Variants in EVC2 observed in about 807,000 individuals in gnomAD.
EVC2 encodes EvC ciliary complex subunit 2.
Under a neutral mutation model 149.3 loss-of-function variants are expected in EVC2, and 148 were observed. The observed-to-expected ratio is 0.99, with a 90% confidence interval of 0.87 to 1.14. The LOEUF (loss-of-function observed/expected upper bound fraction) is 1.14. Among genes scored for constraint, EVC2 ranks in the 50% most tolerant of loss-of-function variants. EVC2 has a pLI of 0.00. For missense variants in EVC2, 1,854 were observed against 1,627.3 expected (o/e 1.14, Z -2.40); for synonymous variants, 776 against 649.9 (o/e 1.19, Z -2.95).
chr4:5,693,795 T>C (rs572707701), intron 3 of EVC2, among the ~76,000 whole-genome samples: 1 of 152,268 alleles, frequency 6.6e-6, no homozygotes, highest in East Asian at 1.9e-4. Flanking sequence ...AAAATCAGAA[T>C]AGAAAACAAC....
Position 5,626,049 on chromosome 4 carries a change from G to A in EVC2, c.1887-141C>T, listed in dbSNP as rs2108843582. The A allele has an allele frequency of 3.0e-6, 3 of 998,284 alleles. No individual in the cohort carries two copies. The East Asian group carries it at 7.5e-5, about 25-fold the overall frequency. 61.8% of individuals were successfully genotyped at this position (998,284 alleles called of 1,614,324 possible). On this transcript the variant is annotated intron_variant, in intron 12 of 21. Coordinates refer to ENST00000344408, the MANE Select transcript of EVC2 (RefSeq NM_147127.5). ...TACCCTCCAGAAGAATTACAAGAAT[G>A]GGCAGCTAAGATATTACTAAAGTAC...
At chr4:5,690,064 G>A (rs1721005644) in intron 4 of EVC2, among the ~76,000 whole-genome samples, 1 of 152,238 alleles carries the variant, frequency 6.6e-6, no homozygotes, top group South Asian at 2.1e-4. Context: ...TCAGAACTGT[G>A]TGTGTAATAT....
At chr4:5,616,682 C>CA (rs1715281149) in intron 15 of EVC2, among the ~76,000 whole-genome samples, 1 of 152,228 alleles carries the variant, frequency 6.6e-6, no homozygotes, top group African/African-American at 2.4e-5. Context: ...CAGGCTCTCC[C>CA]ACCACCTTCT....
intron 9 of EVC2, among the ~76,000 whole-genome samples, chr4:5,644,551 C>T: frequency 6.6e-6 from 1 of 152,138 alleles, no homozygotes; most frequent in Non-Finnish European, 1.5e-5. Flanking sequence ...GATCTGCCCG[C>T]CTCAGCCTCT....
At position 5,640,034 on chromosome 4, in the gene EVC2, G is replaced by A. The variant is rs745705119; in HGVS notation, c.1470+480C>T. Among the ~76,000 whole-genome samples, 1 of 152,074 alleles carries A rather than the reference G, an allele frequency of 6.6e-6. No individual in the cohort carries two copies. Among genetic ancestry groups the A allele is most frequent in the Non-Finnish European group, 1.5e-5 (1 of 68,014 alleles). On this transcript the variant is annotated intron_variant, in intron 10 of 21. Coordinates refer to ENST00000344408, the MANE Select transcript of EVC2 (RefSeq NM_147127.5). This position sits in a 1 kb window ranked among gnomAD's most constrained non-coding sequence, Gnocchi z 4.6. Reference sequence around the variant, plus strand: ...ATGGATGGGTGGATGAGTGATAATGGGCAGATGGGTGGACGGGTAGATGGA... The same window carrying A: ...ATGGATGGGTGGATGAGTGATAATGAGCAGATGGGTGGACGGGTAGATGGA...
chr4:5,698,717 C>A (rs1721640709), intron 1 of EVC2, among the ~76,000 whole-genome samples: 1 of 152,228 alleles, frequency 6.6e-6, no homozygotes, highest in Admixed American at 6.5e-5. Context: ...TACAGCACTA[C>A]CCCCAGTCTA....
At chr4:5,699,938 C>T (rs374028187) in intron 1 of EVC2, among the ~76,000 whole-genome samples, 8 of 152,184 alleles carry the variant, frequency 5.3e-5, no homozygotes, top group Non-Finnish European at 1.0e-4. Context: ...GTCAGGAGTT[C>T]GAGACCAGTC....
In EVC2 at chr4:5,568,577, G is replaced by A. The variant is rs2108770891; in HGVS notation, c.3424C>T (p.Leu1142Phe). The change falls in exon 20 of 22, where the codon CTC becomes TTC. Residue 1142 changes from leucine to phenylalanine, a missense_variant. Physicochemically the swap from Leu to Phe is conservative, Grantham distance 22. Coordinates refer to ENST00000344408, the MANE Select transcript of EVC2 (RefSeq NM_147127.5). ...AMVPGATLRRLLSVVLPTASQ... is the reference protein window; with the variant it reads ...AMVPGATLRRFLSVVLPTASQ... Reference sequence around the variant, plus strand: ...GCTGTGGGCAGTACCACACTCAGGAGCCGGCGAAGCGTGGCCCCGGGCACC... The same window carrying A: ...GCTGTGGGCAGTACCACACTCAGGAACCGGCGAAGCGTGGCCCCGGGCACC... The A allele has an allele frequency of 6.2e-7, 1 of 1,607,494 alleles. No individual in the cohort carries two copies. The highest frequency in any genetic ancestry group is 1.1e-5 in the South Asian group (1 of 89,850).
chr4:5,615,600 C>T, intron 15 of EVC2, 56 bp from the exon 16 acceptor site: 1 of 1,613,078 alleles, frequency 6.2e-7, no homozygotes, highest in South Asian at 1.1e-5. Flanking sequence ...CAAGTCCATG[C>T]AGCTCCCCCG....
At chr4:5,606,424 T>C (rs968193458) in intron 16 of EVC2, among the ~76,000 whole-genome samples, 3 of 152,280 alleles carry the variant, frequency 2.0e-5, no homozygotes, top group African/African-American at 7.2e-5. Flanking sequence ...GGGCATCACC[T>C]TGGTAGTGGG....
At chr4:5,691,132 C>A in intron 4 of EVC2, 133 bp downstream of exon 4, 2 of 749,640 alleles carry the variant, frequency 2.7e-6, no homozygotes, top group South Asian at 1.6e-5. Context: ...GCTATTTGTT[C>A]ATTGCTCATG....
chr4:5,704,790 C>T (rs1328246050), intron 1 of EVC2, among the ~76,000 whole-genome samples: 2 of 152,136 alleles, frequency 1.3e-5, no homozygotes, highest in East Asian at 1.9e-4. Flanking sequence ...ACTGCATCCT[C>T]GAACTCCTGG....
Position 5,567,450 on chromosome 4 carries a change from C to A in EVC2, c.3557+994G>T, listed in dbSNP as rs1422670511. ...CATGATGGTTCAGCAGGCTCTCGGG[C>A]TCCCAGATGCCCTCCTGGCCTCCTC... On this transcript the variant is annotated intron_variant, in intron 20 of 21. Coordinates refer to ENST00000344408, the MANE Select transcript of EVC2 (RefSeq NM_147127.5). This position sits in a 1 kb window ranked among gnomAD's most constrained non-coding sequence, Gnocchi z 4.4. 1.3e-5 allele frequency among the ~76,000 whole-genome samples: 2 copies of A among 152,192 alleles called. No individual in the cohort carries two copies. Among genetic ancestry groups the A allele is most frequent in the African/African-American group, 4.8e-5 (2 of 41,448 alleles).
At chr4:5,534,346 G>GT in the EVC2 span, among the ~76,000 whole-genome samples, 1 of 152,210 alleles carries the variant, frequency 6.6e-6, no homozygotes, top group Non-Finnish European at 1.5e-5. Context: ...GCAACTATTG[G>GT]TTCAGCGAGT....
chr4:5,663,028 C>T (rs1719004225), intron 9 of EVC2, 79 bp downstream of exon 9: 6 of 1,559,188 alleles, frequency 3.8e-6, no homozygotes, highest in African/African-American at 1.4e-5. Context: ...ATGAAATATA[C>T]TCAGCATTTG....
chr4:5,596,631 T>A (rs1488698453), intron 16 of EVC2, among the ~76,000 whole-genome samples: 1 of 151,878 alleles, frequency 6.6e-6, no homozygotes, highest in Non-Finnish European at 1.5e-5. Context: ...AGATCCAAAA[T>A]TGACACCCTA....
chr4:5,622,051 C>G lies in EVC2; in HGVS notation c.2501+486G>C, dbSNP rs540083631. 7.8e-4 allele frequency among the ~76,000 whole-genome samples: 118 copies of G among 151,934 alleles called. No individual in the cohort carries two copies. Among genetic ancestry groups the G allele is most frequent in the African/African-American group, 2.7e-3 (112 of 41,396 alleles). ...ATGCAGTGTGGTGGAAGAACTAACA[C>G]GAAGGTCAAGATCATGAGCAGCCTT... On this transcript the variant is annotated intron_variant, in intron 14 of 21. Coordinates refer to ENST00000344408, the MANE Select transcript of EVC2 (RefSeq NM_147127.5). This position sits in a 1 kb window ranked among gnomAD's most constrained non-coding sequence, Gnocchi z 5.8.
At chr4:5,530,075 A>G in the EVC2 span, among the ~76,000 whole-genome samples, 4 of 152,140 alleles carry the variant, frequency 2.6e-5, no homozygotes, top group East Asian at 5.8e-4. Context: ...GGCCTCCCAA[A>G]GTGTTGGGAT....
chr4:5,563,125 T>G lies in EVC2; in HGVS notation c.3660-10A>C. The G allele has an allele frequency of 1.2e-6, 2 of 1,609,818 alleles. No individual in the cohort carries two copies. The highest frequency in any genetic ancestry group is 1.7e-6 in the Non-Finnish European group (2 of 1,178,022). ...TGTCTTCTTTAATATGCTAAAGAAATAGCAAAAGATCAAATTCAATATTTT... is the reference window on the plus strand; with the variant it reads ...TGTCTTCTTTAATATGCTAAAGAAAGAGCAAAAGATCAAATTCAATATTTT... On this transcript the variant is annotated splice_polypyrimidine_tract_variant and intron_variant, in intron 21 of 21. Coordinates refer to ENST00000344408, the MANE Select transcript of EVC2 (RefSeq NM_147127.5).
Sources: allele counts gnomAD v4.1 joint callset (sites outside exome capture counted in the v4.1 genomes callset), GRCh38; gene constraint gnomAD v4.1.1; non-coding constraint Gnocchi (gnomAD v3.1); transcripts MANE v1.5; gene names NCBI Gene and HGNC (gene_info 2026-07-23, HGNC 2026-07-21).